The following CLIC2 variants were observed in gnomAD, a reference collection of about 807,000 sequenced individuals.
CLIC2 encodes the protein chloride intracellular channel protein 2.
A neutral mutation model predicts 14.8 loss-of-function variants in CLIC2; 9 were observed. That is an observed-to-expected ratio of 0.61 (90% confidence interval 0.37 to 1.06). The LOEUF is 1.06. CLIC2 is among the 50% of genes least tolerant of loss of function. The probability of loss-of-function intolerance (pLI) is 0.01; values close to 1 mark genes in which losing one functional copy is unlikely to be tolerated. For missense variants in CLIC2, 148 were observed against 181.4 expected, an observed-to-expected ratio of 0.82 and a Z score of 1.06; for synonymous variants, 61 against 66.3, an observed-to-expected ratio of 0.92 and a Z score of 0.39.
chrX:155,286,124 C>T (rs1398237802), intron 3 of CLIC2, among the ~76,000 whole-genome samples: 1 of 111,947 alleles, frequency 8.9e-6, no homozygotes, highest in Non-Finnish European at 1.9e-5. Context: ...GCTCCTTTCC[C>T]TCCTCCAACC....
chrX:155,297,884 A>AAAAAATAAAAAAAAAAAAAAAAAAAG (rs1557318527), intron 3 of CLIC2, among the ~76,000 whole-genome samples: 1 of 45,217 alleles, frequency 2.2e-5, no homozygotes, highest in Non-Finnish European at 4.9e-5. Context: ...AAAAAAAAAA[A>AAAAAATAAAAAAAAAAAAAAAAAAAG]AAGAAGGTGA....
chrX:155,322,327 T>C (rs782018283), intron 1 of CLIC2, among the ~76,000 whole-genome samples: 1 of 111,496 alleles, frequency 9.0e-6, no homozygotes, highest in African/African-American at 3.3e-5. Context: ...CCTCAGCAAA[T>C]GCAAAAGAAT....
At chrX:155,280,872 A>G (rs185611475) in intron 3 of CLIC2, among the ~76,000 whole-genome samples, 1 of 109,155 alleles carries the variant, frequency 9.2e-6, no homozygotes, top group Admixed American at 9.9e-5. Context: ...TCAATAAAAA[A>G]TCAGCACCTC....
chrX:155,321,632 G>C (rs375151340), intron 1 of CLIC2, among the ~76,000 whole-genome samples: 1 of 97,308 alleles, frequency 1.0e-5, no homozygotes, highest in Non-Finnish European at 2.1e-5. Context: ...AAAGACCATC[G>C]ACACTGTGAA....
At chrX:155,313,892 C>T (rs990380658) in intron 1 of CLIC2, among the ~76,000 whole-genome samples, 11 of 111,482 alleles carry the variant, frequency 9.9e-5, no homozygotes, top group Non-Finnish European at 1.5e-4. Flanking sequence ...TGCATGGGTG[C>T]GGGATGAGCC....
At chrX:155,303,223 T>C (rs1244189971) in intron 1 of CLIC2, among the ~76,000 whole-genome samples, 1 of 56,163 alleles carries the variant, frequency 1.8e-5, no homozygotes, top group Non-Finnish European at 3.6e-5. Flanking sequence ...CTAAGTCTCT[T>C]TGTAGGTCAC....
intron 3 of CLIC2, among the ~76,000 whole-genome samples, chrX:155,296,998 A>T (rs977137145): frequency 8.9e-6 from 1 of 112,154 alleles, no homozygotes; most frequent in Non-Finnish European, 1.9e-5. Flanking sequence ...TGTCAAAGGG[A>T]TACCTGCACT....
At chrX:155,292,425 C>CATT (rs782626359) in intron 3 of CLIC2, 42 of 559,562 alleles carry the variant, frequency 7.5e-5, no homozygotes, top group Non-Finnish European at 8.8e-5. Context: ...AATTACAGAC[C>CATT]ATTACAAAGA....
chrX:155,299,281 G>C, intron 1 of CLIC2, 136 bp from the exon 2 acceptor site: 1 of 491,247 alleles, frequency 2.0e-6, no homozygotes, highest in Non-Finnish European at 3.6e-6. Flanking sequence ...TCTATGGACA[G>C]AGAGATATAG....
chrX:155,292,157 G>A (rs2074969544), intron 3 of CLIC2: 4 of 567,508 alleles, frequency 7.0e-6, no homozygotes, highest in South Asian at 2.2e-5. Context: ...TGATGAAACA[G>A]GAGAATACTA....
intron 1 of CLIC2, among the ~76,000 whole-genome samples, chrX:155,323,023 A>G (rs1346218300): frequency 8.9e-6 from 1 of 112,360 alleles, no homozygotes; most frequent in Non-Finnish European, 1.9e-5. Flanking sequence ...AAGTTCTGAA[A>G]TTGAGGCAGC....
chrX:155,326,128 T>C (rs1176979384), intron 1 of CLIC2, among the ~76,000 whole-genome samples: 1 of 109,583 alleles, frequency 9.1e-6, no homozygotes, highest in Non-Finnish European at 1.9e-5. Flanking sequence ...TATATCTTAT[T>C]CATGTAACCA....
intron 5 of CLIC2, chrX:155,278,710 G>A (rs187484513): frequency 5.0e-5 from 6 of 119,467 alleles, no homozygotes; most frequent in Admixed American, 8.6e-5. Context: ...CAAGGCAGGC[G>A]GATCACTTGA....
chrX:155,292,141 G>C, intron 3 of CLIC2: 1 of 567,281 alleles, frequency 1.8e-6, no homozygotes, highest in Non-Finnish European at 3.2e-6. Context: ...AGTACAAATG[G>C]CCACCTGATG....
chrX:155,332,163 C>G (rs1344891248), intron 1 of CLIC2, among the ~76,000 whole-genome samples: 2 of 111,607 alleles, frequency 1.8e-5, no homozygotes, highest in African/African-American at 3.2e-5. Context: ...TCATTCAGAG[C>G]TAAAAGACAA....
intron 1 of CLIC2, among the ~76,000 whole-genome samples, chrX:155,306,890 T>C (rs1351025840): frequency 9.0e-6 from 1 of 111,688 alleles, no homozygotes; most frequent in Non-Finnish European, 1.9e-5. Context: ...GAATTGGGAA[T>C]TAAAATTTAA....
chrX:155,298,456 A>G (rs1378352278), intron 3 of CLIC2, among the ~76,000 whole-genome samples: 1 of 111,666 alleles, frequency 9.0e-6, no homozygotes, highest in African/African-American at 3.3e-5. Flanking sequence ...GTTAAGGACC[A>G]GTCATGACCA....
intron 3 of CLIC2, among the ~76,000 whole-genome samples, chrX:155,288,990 C>T (rs1416965862): frequency 9.1e-6 from 1 of 110,095 alleles, no homozygotes; most frequent in Non-Finnish European, 1.9e-5. Flanking sequence ...ACTAAAAATA[C>T]AAAATTAGCC....
intron 1 of CLIC2, among the ~76,000 whole-genome samples, chrX:155,305,710 A>T (rs2075053086): frequency 8.9e-6 from 1 of 112,201 alleles, no homozygotes; most frequent in African/African-American, 3.2e-5. Context: ...GAAGGTAATG[A>T]CTTTTTCTTA....
Sources: allele counts gnomAD v4.1 joint callset (sites outside exome capture counted in the v4.1 genomes callset), GRCh38; gene constraint gnomAD v4.1.1; transcripts MANE v1.5; gene names NCBI Gene and HGNC (gene_info 2026-07-23, HGNC 2026-07-21).